The following UBE4B variants were observed in gnomAD, a reference collection of about 807,000 sequenced individuals.
The protein encoded by UBE4B is ubiquitination factor E4B, also known as ubiquitin conjugation factor E4 B.
A neutral mutation model predicts 148.1 loss-of-function variants in UBE4B; 27 were observed. The ratio of observed to expected loss-of-function variants is 0.18; its 90% confidence interval spans 0.13 to 0.25. UBE4B has a LOEUF of 0.25. Ranked by LOEUF, UBE4B falls within the 10% of genes least tolerant of loss-of-function variation. The pLI is 1.00. For synonymous variants in UBE4B, 596 were observed against 619.3 expected (o/e 0.96, Z 0.56); for missense variants, 1,170 against 1,662.4 (o/e 0.70, Z 5.15).
intron 8 of UBE4B, 56 bp from the exon 9 acceptor site, chr1:10,119,457 G>A: frequency 6.4e-7 from 1 of 1,561,040 alleles, no homozygotes; most frequent in Non-Finnish European, 8.8e-7. Flanking sequence ...ATTTTTAACA[G>A]CATGGAATTG....
At chr1:10,164,215 C>T (rs1433450439) in intron 23 of UBE4B, among the ~76,000 whole-genome samples, 1 of 152,048 alleles carries the variant, frequency 6.6e-6, no homozygotes, top group Non-Finnish European at 1.5e-5. Context: ...GTGACAGGTG[C>T]CTGTAATCCC....
At chr1:10,139,277 G>T (rs1645748016) in intron 17 of UBE4B, among the ~76,000 whole-genome samples, 1 of 152,174 alleles carries the variant, frequency 6.6e-6, no homozygotes, top group South Asian at 2.1e-4. Context: ...TGTAATCCCA[G>T]CTACTTGGGA....
At chr1:10,160,420 A>C (rs1407508225) in intron 22 of UBE4B, among the ~76,000 whole-genome samples, 2 of 152,096 alleles carry the variant, frequency 1.3e-5, no homozygotes, top group Non-Finnish European at 2.9e-5. Flanking sequence ...CTCCTTAAAA[A>C]CATTGAGGGA....
intron 25 of UBE4B, among the ~76,000 whole-genome samples, chr1:10,175,660 A>T (rs1379365759): frequency 1.3e-5 from 2 of 151,910 alleles, no homozygotes; most frequent in Non-Finnish European, 2.9e-5. Context: ...CAAATAAATA[A>T]ATAAATAAAT....
chr1:10,073,920 ATTTTT>A (rs947131085), intron 2 of UBE4B, among the ~76,000 whole-genome samples: 2 of 74,852 alleles, frequency 2.7e-5, no homozygotes, highest in South Asian at 4.3e-4. Flanking sequence ...CTTTCTTTCT[ATTTTT>A]TTTTTTTTTT....
At chr1:10,034,197 T>C (rs1643411115) in intron 1 of UBE4B, among the ~76,000 whole-genome samples, 1 of 152,160 alleles carries the variant, frequency 6.6e-6, no homozygotes, top group East Asian at 1.9e-4. Context: ...GACAGATTCT[T>C]TGATATTTAA....
chr1:10,102,344 C>A (rs1645026828), intron 4 of UBE4B, among the ~76,000 whole-genome samples: 1 of 145,200 alleles, frequency 6.9e-6, no homozygotes, highest in Non-Finnish European at 1.5e-5. Flanking sequence ...ATATGTACAT[C>A]CTCTGTCACA....
chr1:10,092,776 C>T (rs530631752), intron 2 of UBE4B, among the ~76,000 whole-genome samples: 23 of 151,598 alleles, frequency 1.5e-4, no homozygotes, highest in African/African-American at 5.1e-4. Context: ...TGCTTTGAGC[C>T]GAGATCGTGC....
intron 25 of UBE4B, among the ~76,000 whole-genome samples, chr1:10,173,221 G>A (rs1646363286): frequency 6.6e-6 from 1 of 152,140 alleles, no homozygotes; most frequent in Non-Finnish European, 1.5e-5. Context: ...GCTCATGCCT[G>A]TAATCCCAGC....
chr1:10,177,577 G>GCC (rs1268191766), intron 25 of UBE4B, among the ~76,000 whole-genome samples: 1 of 152,076 alleles, frequency 6.6e-6, no homozygotes, highest in Non-Finnish European at 1.5e-5. Flanking sequence ...GATTGCTTGA[G>GCC]CCCAGGAGTT....
In UBE4B at chr1:10,102,950, G is replaced by A; in HGVS notation, c.438G>A (p.Glu146=). Residue 146 remains glutamate, a splice_region_variant and synonymous_variant, in exon 5 of 28, where the codon GAG becomes GAA. Coordinates refer to ENST00000343090, the MANE Select transcript of UBE4B (RefSeq NM_001105562.3). ...RREKRSLSDK[E]PSSGPEVSEE... ...CTGCAAATCTTCTTCTTCACCAGGA[G>A]CCTTCCTCGGGCCCTGAAGTGTCTG... 1 of 1,603,412 alleles carries A rather than the reference G, an allele frequency of 6.2e-7. No homozygotes were observed. Among genetic ancestry groups the A allele is most frequent in the Non-Finnish European group, 8.5e-7 (1 of 1,172,836 alleles).
Position 10,101,366 on chromosome 1 carries a change from A to G in UBE4B, c.435+171A>G, listed in dbSNP as rs115401210. 4.6e-3 allele frequency among the ~76,000 whole-genome samples: 702 copies of G among 152,260 alleles called. 3 individuals carry two copies. Among genetic ancestry groups the G allele is most frequent in the Middle Eastern group, 0.01 (3 of 294 alleles). On this transcript the variant is annotated intron_variant, in intron 4 of 27. Coordinates refer to ENST00000343090, the MANE Select transcript of UBE4B (RefSeq NM_001105562.3). ...ATAACCTAGATTACCCTTATTCATG[A>G]AAGTGTAACTCAGTCCTTTGATCTG...
chr1:10,070,981 A>G (rs1644474260), intron 1 of UBE4B, among the ~76,000 whole-genome samples: 3 of 152,040 alleles, frequency 2.0e-5, no homozygotes, highest in Admixed American at 2.0e-4. Flanking sequence ...GTGCCATCTC[A>G]GCTCACTGCA....
chr1:10,180,637 G>A lies in UBE4B; in HGVS notation c.*681G>A, dbSNP rs1646492039. On this transcript the variant is annotated 3_prime_UTR_variant, in exon 28 of 28. Transcript: ENST00000343090. ...TTCAGTTTTTTTTTTCTTTTGAAAT[G>A]TCCCTTTAAGATTTTTTTATTCTAA... is the stretch of plus-strand genomic sequence containing the variant. The A allele has an allele frequency of 6.6e-6, 1 of 151,748 alleles. No homozygotes were observed. The highest frequency in any genetic ancestry group is 1.5e-5 in the Non-Finnish European group (1 of 67,888). The allele number at this position is 151,748 out of a possible 1,614,324, so 9.4% of individuals were successfully genotyped here.
intron 25 of UBE4B, among the ~76,000 whole-genome samples, chr1:10,176,350 G>T (rs974966367): frequency 6.6e-6 from 1 of 152,146 alleles, no homozygotes; most frequent in Admixed American, 6.5e-5. Context: ...GTTACTTTGG[G>T]TCTACACTTG....
intron 16 of UBE4B, 136 bp downstream of exon 16, chr1:10,135,322 T>C: frequency 2.1e-6 from 2 of 959,824 alleles, no homozygotes; most frequent in Non-Finnish European, 3.1e-6. Flanking sequence ...ATTAATACAG[T>C]AGGCCTGGCG....
At chr1:10,170,998 A>C in intron 24 of UBE4B, 140 bp from the exon 25 acceptor site, 1 of 776,020 alleles carries the variant, frequency 1.3e-6, no homozygotes, top group Non-Finnish European at 2.0e-6. Context: ...GTCTTTCTTC[A>C]GCTTATGATA....
rs926318458 is a variant in UBE4B at position 10,105,691 on chromosome 1, A to C, written c.756A>C (p.Gly252=). The C allele has an allele frequency of 1.2e-6, 2 of 1,614,090 alleles. No homozygotes were observed. The highest frequency in any genetic ancestry group is 2.7e-5 in the African/African-American group (2 of 74,946). Residue 252 remains glycine (G), a synonymous_variant, in exon 6 of 28, where the codon GGA becomes GGC. Transcript: ENST00000343090. ...NLLLNTGSNP[G]TSPMFCSVAS... is the part of the protein sequence containing the mutation. ...TGCTAAACACTGGCTCCAATCCAGG[A>C]ACAAGCCCCATGTTCTGCAGCGTGG...
At chr1:10,162,588 G>A (rs558560237) in intron 23 of UBE4B, among the ~76,000 whole-genome samples, 20 of 150,970 alleles carry the variant, frequency 1.3e-4, no homozygotes, top group Admixed American at 1.1e-3. Context: ...GACTACAGGC[G>A]TGAGTCACCG....
Sources: allele counts gnomAD v4.1 joint callset (sites outside exome capture counted in the v4.1 genomes callset), GRCh38; gene constraint gnomAD v4.1.1; transcripts MANE v1.5; gene names NCBI Gene and HGNC (gene_info 2026-07-23, HGNC 2026-07-21).